The following FBXO24 variants were observed in gnomAD, a reference collection of about 807,000 sequenced individuals.
FBXO24 encodes the protein F-box protein 24.
Under a neutral mutation model 63.5 loss-of-function variants are expected in FBXO24, and 30 were observed. That is an observed-to-expected ratio of 0.47 (90% CI 0.35 to 0.64). FBXO24 has a LOEUF of 0.64. Ranked by LOEUF, FBXO24 falls within the 30% of genes least tolerant of loss-of-function variation. The probability of loss-of-function intolerance (pLI) is 0.00; values close to 1 mark genes in which losing one functional copy is unlikely to be tolerated. For missense variants in FBXO24, 624 were observed against 763.4 expected (o/e 0.82, Z 2.15); for synonymous variants, 300 against 305.0 (o/e 0.98, Z 0.17).
At position 100,586,500 on chromosome 7, in the gene FBXO24, C is replaced by A. The variant is rs1465251499; in HGVS notation, c.-126C>A. ...GGACCGCAAGCAGGGGGTGCCTAGT[C>A]CTCGTCCCCCAAAGACCAATCGTAA... On this transcript the variant is annotated 5_prime_UTR_variant, in exon 1 of 10. Transcript: ENST00000241071. 9 of 1,002,868 alleles carry A rather than the reference C, an allele frequency of 9.0e-6. No individual in the cohort carries two copies. In the South Asian group the frequency reaches 9.4e-5, roughly 11 times the overall value. 62.1% of individuals were successfully genotyped at this position (1,002,868 alleles called of 1,614,324 possible).
intron 4 of FBXO24, 78 bp downstream of exon 4, chr7:100,591,980 G>A (rs1465058884): frequency 2.1e-6 from 3 of 1,434,380 alleles, no homozygotes; most frequent in Admixed American, 1.7e-5. Context: ...CGTACCAGAG[G>A]CCGGGTGCAG....
chr7:100,589,592 C>A, intron 1 of FBXO24: 1 of 1,443,918 alleles, frequency 6.9e-7, no homozygotes, highest in South Asian at 1.5e-5. Flanking sequence ...GGGGGAGGGG[C>A]CTAGGAGGCA....
At chr7:100,595,779 TCTC>T in intron 8 of FBXO24, 73 bp downstream of exon 8, 1 of 1,487,138 alleles carries the variant, frequency 6.7e-7, no homozygotes, top group South Asian at 1.4e-5. Flanking sequence ...TCTGTCCACT[TCTC>T]CAGATTCCAC....
chr7:100,596,244 A>G (rs1802303452), intron 8 of FBXO24, among the ~76,000 whole-genome samples: 1 of 152,092 alleles, frequency 6.6e-6, no homozygotes, highest in African/African-American at 2.4e-5. Flanking sequence ...GTGCCACCCT[A>G]CTCCAGCCTG....
chr7:100,590,749 C>T (rs1008488208), intron 3 of FBXO24, among the ~76,000 whole-genome samples: 1 of 152,180 alleles, frequency 6.6e-6, no homozygotes, highest in African/African-American at 2.4e-5. Flanking sequence ...TAAGCAGCAA[C>T]CCTGGCCTCC....
chr7:100,600,010 AC>A lies in FBXO24; in HGVS notation c.1207-18del. ...GTCCCTTGGTGCTCCCTGCTCAGGG[AC>A]CCTGGCCGTGTGTCCCCAGGTTTGT... On this transcript the variant is annotated intron_variant, in intron 8 of 9. Transcript: ENST00000241071. The surrounding 1 kb of genome is among the most constrained non-coding windows in gnomAD (Gnocchi z 6.3). 1 of 1,320,072 alleles carries A rather than the reference AC, an allele frequency of 7.6e-7. No individual in the cohort carries two copies. Among genetic ancestry groups the A allele is most frequent in the Non-Finnish European group, 1.0e-6 (1 of 960,064 alleles). The allele number at this position is 1,320,072 out of a possible 1,614,324, so 81.8% of individuals were successfully genotyped here.
chr7:100,595,518 C>A, intron 7 of FBXO24, 57 bp from the exon 8 acceptor site: 1 of 1,518,616 alleles, frequency 6.6e-7, no homozygotes. Context: ...GACTCTGGAA[C>A]TCAGAGTTCC....
chr7:100,594,675 G>A lies in FBXO24; in HGVS notation c.952+134G>A, dbSNP rs1802216571. ...TAGTGAAAAGATGTGTTTAGGGCCG[G>A]CATGGTGACTCATGCCTGTAATCCC... On this transcript the variant is annotated intron_variant, in intron 6 of 9. Coordinates refer to ENST00000241071, the MANE Select transcript of FBXO24 (RefSeq NM_033506.3). The surrounding 1 kb of genome is among the most constrained non-coding windows in gnomAD (Gnocchi z 4.2). 9.5e-7 allele frequency: 1 copy of A among 1,047,120 alleles called. No individual in the cohort carries two copies. The highest frequency in any genetic ancestry group is 1.3e-6 in the Non-Finnish European group (1 of 766,570). The allele number at this position is 1,047,120 out of a possible 1,614,324, so 64.9% of individuals were successfully genotyped here.
chr7:100,588,052 T>C (rs981465093), intron 1 of FBXO24, among the ~76,000 whole-genome samples: 3 of 151,448 alleles, frequency 2.0e-5, no homozygotes, highest in Non-Finnish European at 4.4e-5. Context: ...CAGCTAATTG[T>C]ATTTTTTGTA....
At position 100,600,065 on chromosome 7, in the gene FBXO24, G is replaced by T; in HGVS notation, c.1241G>T (p.Cys414Phe). Residue 414 changes from cysteine (C) to phenylalanine (F), a missense_variant, in exon 9 of 10, where the codon TGC becomes TTC. Physicochemically the swap from Cys to Phe is radical, Grantham distance 205. Transcript: ENST00000241071. The surrounding 1 kb of genome is among the most constrained non-coding windows in gnomAD (Gnocchi z 6.3). ...CYLQRPITLWCGLNHSLVLSQ... is the reference protein window; with the variant it reads ...CYLQRPITLWFGLNHSLVLSQ... ...CTGCAGCGGCCCATCACCCTGTGGT[G>T]CGGCCTCAACCACTCCCTGGTGCTG... The T allele has an allele frequency of 6.2e-7, 1 of 1,610,970 alleles. No homozygotes were observed. The highest frequency in any genetic ancestry group is 8.5e-7 in the Non-Finnish European group (1 of 1,179,422).
Position 100,586,538 on chromosome 7 carries a change from C to T in FBXO24, c.-88C>T. 1 of 1,362,734 alleles carries T rather than the reference C, an allele frequency of 7.3e-7. No homozygotes were observed. The highest frequency in any genetic ancestry group is 1.0e-6 in the Non-Finnish European group (1 of 955,006). 84.4% of individuals were successfully genotyped at this position (1,362,734 alleles called of 1,614,324 possible). ...AGACCAATCGTAAGCCAGATACAGG[C>T]GAGTGACTGTCAAGAAGGCCAATTA... On this transcript the variant is annotated 5_prime_UTR_variant, in exon 1 of 10. Coordinates refer to ENST00000241071, the MANE Select transcript of FBXO24 (RefSeq NM_033506.3).
intron 4 of FBXO24, 52 bp from the exon 5 acceptor site, chr7:100,592,731 C>A: frequency 2.8e-6 from 4 of 1,453,272 alleles, no homozygotes; most frequent in Non-Finnish European, 2.9e-6. Flanking sequence ...CTGCCCCAGC[C>A]CCATCCCATT....
chr7:100,586,891 G>C, intron 1 of FBXO24: 1 of 447,718 alleles, frequency 2.2e-6, no homozygotes, highest in Non-Finnish European at 4.3e-6. Context: ...TCTGGCAGGG[G>C]TCTCGGGACC....
At position 100,600,132 on chromosome 7, in the gene FBXO24, C is replaced by T; in HGVS notation, c.1308C>T (p.Gly436=). ...TCAGCAAGGAGCTGCTGGGCTGCGG[C>T]TGTGGGGCTGGGGGCCGCCTCCCAG... ...SEFSKELLGC[G]CGAGGRLPGW... is the part of the protein sequence containing the mutation. Residue 436 remains glycine, a synonymous_variant, in exon 9 of 10, where the codon GGC becomes GGT. Coordinates refer to ENST00000241071, the MANE Select transcript of FBXO24 (RefSeq NM_033506.3). This position sits in a 1 kb window ranked among gnomAD's most constrained non-coding sequence, Gnocchi z 6.3. 2 of 1,600,324 alleles carry T rather than the reference C, an allele frequency of 1.2e-6. No individual in the cohort carries two copies. The highest frequency in any genetic ancestry group is 1.7e-6 in the Non-Finnish European group (2 of 1,174,354).
Position 100,591,820 on chromosome 7 carries a change from A to G in FBXO24, c.476A>G (p.Lys159Arg), listed in dbSNP as rs114620367. 2.7e-5 allele frequency: 44 copies of G among 1,614,214 alleles called. No homozygotes were observed. The African/African-American group carries it at 4.0e-4, about 15-fold the overall frequency. ...TACGTGGGGACCCTCTTCTTCCTCA[A>G]AAATGCCCTGGTCTCCACCCTCGGC... Reference protein sequence around the residue: ...LDYVGTLFFLKNALVSTLGQM... With the variant: ...LDYVGTLFFLRNALVSTLGQM... The change falls in exon 4 of 10, where the codon AAA becomes AGA. Residue 159 changes from lysine to arginine, a missense_variant. Lys to Arg is a conservative substitution (Grantham distance 26). Transcript: ENST00000241071.
Position 100,594,955 on chromosome 7 carries a change from T to C in FBXO24, c.953-147T>C, listed in dbSNP as rs1802232308. The C allele has an allele frequency of 1.8e-6, 2 of 1,132,434 alleles. No homozygotes were observed. Among genetic ancestry groups the C allele is most frequent in the Non-Finnish European group, 2.5e-6 (2 of 800,402 alleles). 70.1% of individuals were successfully genotyped at this position (1,132,434 alleles called of 1,614,324 possible). ...CCGAGGGAGACTCGGTCTCAAAAGA[T>C]GTGTTTTCAGTTCCCAGGCATCATA... On this transcript the variant is annotated intron_variant, in intron 6 of 9. Coordinates refer to ENST00000241071, the MANE Select transcript of FBXO24 (RefSeq NM_033506.3). This position sits in a 1 kb window ranked among gnomAD's most constrained non-coding sequence, Gnocchi z 4.2.
chr7:100,593,353 C>T (rs183021873), intron 5 of FBXO24, among the ~76,000 whole-genome samples: 32 of 152,030 alleles, frequency 2.1e-4, no homozygotes, highest in Non-Finnish European at 3.8e-4. Flanking sequence ...AAAATTAGGT[C>T]GGGTGCGGCG....
In FBXO24 at chr7:100,601,076, T is replaced by C. The variant is rs1023601841; in HGVS notation, c.*177T>C. On this transcript the variant is annotated 3_prime_UTR_variant, in exon 10 of 10. Coordinates refer to ENST00000241071, the MANE Select transcript of FBXO24 (RefSeq NM_033506.3). ...GGAGGGGCCCCCAACCTGACTATCA[T>C]GGACAAGAGATTTGATGGATAGAAT... The C allele has an allele frequency of 4.5e-5, 32 of 706,804 alleles. No homozygotes were observed. The highest frequency in any genetic ancestry group is 6.3e-5 in the Non-Finnish European group (29 of 463,904). The allele number at this position is 706,804 out of a possible 1,614,324, so 43.8% of individuals were successfully genotyped here.
intron 4 of FBXO24, chr7:100,592,359 A>C: frequency 4.1e-6 from 1 of 242,932 alleles, no homozygotes; most frequent in Non-Finnish European, 8.2e-6. Context: ...GAAACTTACA[A>C]TCATGGCAGA....
Sources: gnomAD v4.1 joint callset for allele counts (sites outside exome capture counted in the v4.1 genomes callset) on GRCh38, gnomAD v4.1.1 for gene constraint, Gnocchi (gnomAD v3.1) non-coding constraint, MANE v1.5 for transcripts, NCBI Gene and HGNC (gene_info 2026-07-23, HGNC 2026-07-21) for gene names.